The following KHDRBS2 variants were observed in gnomAD, a reference collection of about 807,000 sequenced individuals.
KHDRBS2 encodes the protein KH domain-containing, RNA-binding, signal transduction-associated protein 2.
In KHDRBS2, 26 loss-of-function variants were observed where a neutral mutation model predicts 44.3. The ratio of observed to expected loss-of-function variants is 0.59; its 90% CI spans 0.43 to 0.81. KHDRBS2 has a LOEUF of 0.81. KHDRBS2 is among the 40% of genes least tolerant of loss of function. The pLI is 0.00. For synonymous variants in KHDRBS2, 194 were observed against 151.1 expected, an observed-to-expected ratio of 1.28 and a Z score of -2.08; for missense variants, 476 against 433.1, an observed-to-expected ratio of 1.10 and a Z score of -0.88.
intron 6 of KHDRBS2, among the ~76,000 whole-genome samples, chr6:61,738,368 G>T (rs1198809363): frequency 1.3e-5 from 2 of 152,042 alleles, no homozygotes; most frequent in South Asian, 2.1e-4. Flanking sequence ...ACATGGTCAT[G>T]AAAAATATCT....
chr6:61,714,941 A>T (rs1258330253), intron 7 of KHDRBS2, among the ~76,000 whole-genome samples: 2 of 151,794 alleles, frequency 1.3e-5, no homozygotes, highest in Admixed American at 6.6e-5. Context: ...ATTACTTAAT[A>T]GGTCCAATGT....
chr6:62,132,681 G>T (rs1584885390), intron 2 of KHDRBS2, among the ~76,000 whole-genome samples: 1 of 152,118 alleles, frequency 6.6e-6, no homozygotes, highest in South Asian at 2.1e-4. Flanking sequence ...CCATTATGTT[G>T]CTGTTTCCTG....
chr6:61,552,584 A>C, the KHDRBS2 span, among the ~76,000 whole-genome samples: 1 of 152,132 alleles, frequency 6.6e-6, no homozygotes, highest in Non-Finnish European at 1.5e-5. Flanking sequence ...CTGATTTGCA[A>C]GGAGAATGCT....
chr6:61,583,909 G>T, the KHDRBS2 span, among the ~76,000 whole-genome samples: 1 of 151,174 alleles, frequency 6.6e-6, no homozygotes. Flanking sequence ...TTTTAATGTA[G>T]CTATCTTATG....
Position 61,686,007 on chromosome 6 carries a change from T to C in KHDRBS2, c.953-4947A>G, listed in dbSNP as rs145661858. Among the ~76,000 whole-genome samples the C allele has an allele frequency of 1.3e-3, 200 of 151,840 alleles. 1 individual carries two copies. The highest frequency in any genetic ancestry group is 2.9e-3 in the Admixed American group (44 of 15,190). ...CTTTTAATGTTTATCTTTCAGGAAG[T>C]AGTTTTAAAATGCCACCTAAGAGGA... On this transcript the variant is annotated intron_variant, in intron 8 of 8. Transcript: ENST00000281156.
chr6:62,136,496 T>C (rs1811555744), intron 2 of KHDRBS2, among the ~76,000 whole-genome samples: 1 of 152,242 alleles, frequency 6.6e-6, no homozygotes. Context: ...TTTTATTCTT[T>C]ATATTTTATT....
the KHDRBS2 span, among the ~76,000 whole-genome samples, chr6:61,670,946 TC>T: frequency 6.6e-6 from 1 of 151,782 alleles, no homozygotes; most frequent in South Asian, 2.1e-4. Context: ...CACTGCACTC[TC>T]CCACATAGCT....
At chr6:62,235,236 T>C (rs944502379) in intron 1 of KHDRBS2, among the ~76,000 whole-genome samples, 2 of 152,030 alleles carry the variant, frequency 1.3e-5, no homozygotes, top group Non-Finnish European at 2.9e-5. Flanking sequence ...CTTTGAACTC[T>C]GTTTTATATT....
intron 4 of KHDRBS2, among the ~76,000 whole-genome samples, chr6:61,925,370 C>T (rs1808763705): frequency 6.6e-6 from 1 of 152,160 alleles, no homozygotes; most frequent in Non-Finnish European, 1.5e-5. Flanking sequence ...AACTAGTCCA[C>T]TGGATCTCTC....
intron 6 of KHDRBS2, among the ~76,000 whole-genome samples, chr6:61,866,163 T>A (rs1054619939): frequency 1.3e-5 from 2 of 152,354 alleles, no homozygotes; most frequent in Non-Finnish European, 1.5e-5. Context: ...CAACCCCACA[T>A]TTCCCTTCCA....
At chr6:62,022,599 A>G (rs1311368927) in intron 3 of KHDRBS2, among the ~76,000 whole-genome samples, 1 of 151,684 alleles carries the variant, frequency 6.6e-6, no homozygotes, top group Admixed American at 6.6e-5. Flanking sequence ...TTTATTTCCA[A>G]CTTTTCATTA....
chr6:62,055,892 G>A (rs1478004028), intron 2 of KHDRBS2, among the ~76,000 whole-genome samples: 6 of 152,122 alleles, frequency 3.9e-5, no homozygotes, highest in African/African-American at 1.4e-4. Context: ...CTCCGTGGAT[G>A]TGGCAGCCCC....
chr6:61,899,687 A>T (rs1479855836), intron 5 of KHDRBS2, among the ~76,000 whole-genome samples: 1 of 150,584 alleles, frequency 6.6e-6, no homozygotes, highest in Non-Finnish European at 1.5e-5. Flanking sequence ...ATCTATTACT[A>T]TGATGATTTC....
At chr6:61,670,868 C>T in the KHDRBS2 span, among the ~76,000 whole-genome samples, 21 of 151,596 alleles carry the variant, frequency 1.4e-4, no homozygotes, top group Admixed American at 1.4e-3. Flanking sequence ...TTACAATGGA[C>T]ACGTATTGGT....
intron 4 of KHDRBS2, among the ~76,000 whole-genome samples, chr6:61,937,294 C>T (rs1811205559): frequency 1.3e-5 from 2 of 151,556 alleles, no homozygotes; most frequent in Admixed American, 6.6e-5. Context: ...TTATACTGTC[C>T]TGTCTTGTCT....
At chr6:62,015,725 T>C (rs62416704) in intron 3 of KHDRBS2, among the ~76,000 whole-genome samples, 3,225 of 152,262 alleles carry the variant, frequency 0.021, 56 homozygotes, top group Non-Finnish European at 0.033. Context: ...TATAAAATGT[T>C]TGAAAAGATA....
At chr6:61,953,750 T>C (rs549736490) in intron 4 of KHDRBS2, among the ~76,000 whole-genome samples, 2 of 152,096 alleles carry the variant, frequency 1.3e-5, no homozygotes, top group Non-Finnish European at 1.5e-5. Context: ...TGGAGAGAGA[T>C]AGTGCCACGA....
intron 3 of KHDRBS2, among the ~76,000 whole-genome samples, chr6:62,045,949 CA>C (rs11397447): frequency 0.074 from 9,850 of 133,430 alleles, 349 homozygotes; most frequent in Middle Eastern, 0.086. Context: ...GCAAGTGGAA[CA>C]AAAAAAAAAA....
At chr6:62,043,305 G>T (rs547356686) in intron 3 of KHDRBS2, among the ~76,000 whole-genome samples, 1 of 152,152 alleles carries the variant, frequency 6.6e-6, no homozygotes, top group African/African-American at 2.4e-5. Context: ...GCAACTACCA[G>T]TGAAACCAGC....
Sources: gnomAD v4.1 joint callset for allele counts (sites outside exome capture counted in the v4.1 genomes callset) on GRCh38, gnomAD v4.1.1 for gene constraint, MANE v1.5 for transcripts, NCBI Gene and HGNC (gene_info 2026-07-23, HGNC 2026-07-21) for gene names.